TRAPPC10: variants seen among roughly 807,000 people sequenced by gnomAD.
The protein encoded by TRAPPC10 is trafficking protein particle complex subunit 10, also known as TRAPP 130 kDa subunit.
A neutral mutation model predicts 125.5 loss-of-function variants in TRAPPC10; 23 were observed. The ratio of observed to expected loss-of-function variants is 0.18; its 90% CI spans 0.13 to 0.26. The LOEUF (loss-of-function observed/expected upper bound fraction) is 0.26. Among genes scored for constraint, TRAPPC10 ranks in the 10% least tolerant of loss-of-function variants. The probability of loss-of-function intolerance (pLI) is 1.00; values close to 1 mark genes in which losing one functional copy is unlikely to be tolerated. For synonymous variants in TRAPPC10, 509 were observed against 518.0 expected (o/e 0.98, Z 0.24); for missense variants, 1,123 against 1,308.4 (o/e 0.86, Z 2.19).
intron 3 of TRAPPC10, among the ~76,000 whole-genome samples, chr21:44,048,546 T>TGTA (rs2035014702): frequency 6.6e-6 from 1 of 152,102 alleles, no homozygotes; most frequent in South Asian, 2.1e-4. Flanking sequence ...CAGGCTGGAG[T>TGTA]GTAGTAGTGA....
Position 44,079,564 on chromosome 21 carries a change from G to A in TRAPPC10, c.1470G>A (p.Met490Ile). The change falls in exon 12 of 23, where the codon ATG becomes ATA. Residue 490 changes from methionine (M) to isoleucine (I), a missense_variant and splice_region_variant. Physicochemically the swap from Met to Ile is conservative, Grantham distance 10. Transcript: ENST00000291574. ...FVGKDLAEFYMRKKAPQKAEI... is the reference protein window; with the variant it reads ...FVGKDLAEFYIRKKAPQKAEI... ...AGCTACTGTTTGTTGACTTTGCAAG[G>A]AGGAAAAAGGCTCCACAAAAGGCAG... 1 of 1,589,320 alleles carries A rather than the reference G, an allele frequency of 6.3e-7. No homozygotes were observed. The highest frequency in any genetic ancestry group is 8.5e-7 in the Non-Finnish European group (1 of 1,174,194).
At chr21:44,076,775 G>C in intron 10 of TRAPPC10, 147 bp downstream of exon 10, 1 of 616,940 alleles carries the variant, frequency 1.6e-6, no homozygotes, top group Non-Finnish European at 2.9e-6. Context: ...CTGGGGAGTT[G>C]TGGACAAAAC....
intron 6 of TRAPPC10, chr21:44,062,952 A>G: frequency 7.7e-7 from 1 of 1,294,560 alleles, no homozygotes; most frequent in Non-Finnish European, 1.0e-6. Flanking sequence ...AGTCTTAGGG[A>G]TGTAAGTAAA....
rs574451541 is a variant in TRAPPC10 at position 44,040,435 on chromosome 21, C to T, written c.285+2508C>T. Among the ~76,000 whole-genome samples the T allele has an allele frequency of 1.6e-4, 24 of 152,126 alleles. 1 individual carries two copies. Among genetic ancestry groups the T allele is most frequent in the African/African-American group, 4.6e-4 (19 of 41,474 alleles). ...TTGGGTCACTGCAACCTCAACCTCC[C>T]GGGCTCAAGTGATTGTCCTACCTCA... On this transcript the variant is annotated intron_variant, in intron 3 of 22. Transcript: ENST00000291574.
chr21:44,053,761 C>A (rs964931866), intron 4 of TRAPPC10, among the ~76,000 whole-genome samples: 3 of 152,246 alleles, frequency 2.0e-5, no homozygotes, highest in African/African-American at 7.2e-5. Context: ...CCACATGTGC[C>A]TCCAGCCCCT....
At chr21:44,023,486 T>C (rs2032763042) in intron 1 of TRAPPC10, among the ~76,000 whole-genome samples, 1 of 152,214 alleles carries the variant, frequency 6.6e-6, no homozygotes, top group South Asian at 2.1e-4. Flanking sequence ...GCCTCGTTGG[T>C]GAGCAGGTTG....
rs752507121 is a variant in TRAPPC10, at chr21:44,089,899, A to G, written c.2836A>G (p.Arg946Gly). ...VIALTFSVPF[R>G]TTHSLLSSGT... ...CGCACTGACCTTCAGCGTACCCTTC[A>G]GGACCACACACAGCCTCCTGTCCTC... Residue 946 changes from arginine (R) to glycine (G), a missense_variant, in exon 18 of 23, where the codon AGG becomes GGG. Arg to Gly is a moderately radical substitution (Grantham distance 125). Transcript: ENST00000291574. The G allele has an allele frequency of 6.2e-7, 1 of 1,613,828 alleles. No individual in the cohort carries two copies. Among genetic ancestry groups the G allele is most frequent in the East Asian group, 2.2e-5 (1 of 44,868 alleles).
intron 2 of TRAPPC10, among the ~76,000 whole-genome samples, chr21:44,036,988 A>G (rs1057341563): frequency 1.3e-5 from 2 of 152,204 alleles, no homozygotes; most frequent in African/African-American, 4.8e-5. Flanking sequence ...GGAAAACTAG[A>G]GCCGGCAAGT....
chr21:44,068,843 C>T (rs1472705192), intron 7 of TRAPPC10, among the ~76,000 whole-genome samples: 13 of 152,088 alleles, frequency 8.5e-5, no homozygotes, highest in Admixed American at 8.5e-4. Flanking sequence ...CGCAAGTGAT[C>T]TACCCTCCTC....
At chr21:44,017,302 G>A (rs2838470) in intron 1 of TRAPPC10, among the ~76,000 whole-genome samples, 3,837 of 152,162 alleles carry the variant, frequency 0.025, 107 homozygotes, top group East Asian at 0.097. Flanking sequence ...GCATGACCTC[G>A]GTTCTTACAT....
intron 1 of TRAPPC10, among the ~76,000 whole-genome samples, chr21:44,019,881 G>C (rs1254067111): frequency 6.6e-6 from 1 of 152,186 alleles, no homozygotes; most frequent in African/African-American, 2.4e-5. Context: ...GTGTACTCCT[G>C]ACCGAGGGAA....
In TRAPPC10 at chr21:44,058,521, T is replaced by C. The variant is rs188527264; in HGVS notation, c.679-582T>C. Among the ~76,000 whole-genome samples the C allele has an allele frequency of 1.5e-3, 228 of 152,278 alleles. 1 individual carries two copies. Among genetic ancestry groups the C allele is most frequent in the African/African-American group, 4.8e-3 (198 of 41,556 alleles). On this transcript the variant is annotated intron_variant, in intron 5 of 22. Coordinates refer to ENST00000291574, the MANE Select transcript of TRAPPC10 (RefSeq NM_003274.5). ...ATGGGGAAGACCGTGGGTGGAGCAC[T>C]TTGTGGGAAAGGTTGGGGTTCAGGT...
Position 44,047,565 on chromosome 21 carries a change from T to TGCGC in TRAPPC10, c.286-4712_286-4709dup, listed in dbSNP as rs58154844. Among the ~76,000 whole-genome samples, 18 of 147,178 alleles carry TGCGC rather than the reference T, an allele frequency of 1.2e-4. 1 individual carries two copies. Among genetic ancestry groups the TGCGC allele is most frequent in the South Asian group, 4.4e-4 (2 of 4,588 alleles). On this transcript the variant is annotated intron_variant, in intron 3 of 22. Transcript: ENST00000291574. ...GTGTGTGTGTGTGTGTGTGTGTGTGTGCGCGCACACGCTACATGAAGTTCC... is the reference window on the plus strand; with the variant it reads ...GTGTGTGTGTGTGTGTGTGTGTGTGTGCGCGCGCGCACACGCTACATGAAGTTCC...
intron 7 of TRAPPC10, among the ~76,000 whole-genome samples, chr21:44,072,933 C>G (rs2036990410): frequency 6.6e-6 from 1 of 152,300 alleles, no homozygotes; most frequent in East Asian, 1.9e-4. Context: ...TCAGCCCGCT[C>G]CAGGCCTGCT....
Position 44,052,618 on chromosome 21 carries a change from C to T in TRAPPC10, c.482+142C>T. 3 of 752,060 alleles carry T rather than the reference C, an allele frequency of 4.0e-6. No homozygotes were observed. The South Asian group carries it at 5.8e-5, about 14-fold the overall frequency. The allele number at this position is 752,060 out of a possible 1,614,324, so 46.6% of individuals were successfully genotyped here. A position where few individuals can be genotyped will look rare whatever the true frequency, so the allele number is the denominator to read the frequency against. On this transcript the variant is annotated intron_variant, in intron 4 of 22. Transcript: ENST00000291574. The stretch of plus-strand genomic sequence containing the variant: ...GCTGTCAAGGAGACCTGGTGCCTGT[C>T]CTTGTGGAGTTCCTGTTTAGGCAGG...
chr21:44,050,634 A>G (rs573614879), intron 3 of TRAPPC10, among the ~76,000 whole-genome samples: 75 of 152,314 alleles, frequency 4.9e-4, no homozygotes, highest in African/African-American at 1.8e-3. Context: ...TGTAAAATCT[A>G]TGCTTCAAGT....
At chr21:44,070,803 G>A (rs35985715) in intron 7 of TRAPPC10, among the ~76,000 whole-genome samples, 31,503 of 152,154 alleles carry the variant, frequency 0.21, 3,512 homozygotes, top group South Asian at 0.3. Flanking sequence ...GAGCTCTTGC[G>A]TCTCTGCTGC....
intron 4 of TRAPPC10, among the ~76,000 whole-genome samples, chr21:44,053,615 A>G (rs2145845219): frequency 6.6e-6 from 1 of 152,320 alleles, no homozygotes; most frequent in African/African-American, 2.4e-5. Flanking sequence ...TTGGTAACAG[A>G]TTTTGTGCAT....
At chr21:44,076,422 G>A (rs2037286587) in intron 9 of TRAPPC10, 130 bp from the exon 10 acceptor site, 1 of 657,098 alleles carries the variant, frequency 1.5e-6, no homozygotes, top group Non-Finnish European at 2.7e-6. Context: ...GTTTCCGTTG[G>A]CATTGGCCGG....
Sources: gnomAD v4.1 joint callset for allele counts (sites outside exome capture counted in the v4.1 genomes callset) on GRCh38, gnomAD v4.1.1 for gene constraint, MANE v1.5 for transcripts, NCBI Gene and HGNC (gene_info 2026-07-23, HGNC 2026-07-21) for gene names.